DOK5: variants seen among roughly 807,000 people sequenced by gnomAD.
DOK5 encodes the protein downstream of tyrosine kinase 5.
Under a neutral mutation model 43.3 loss-of-function variants are expected in DOK5, and 27 were observed. That is an observed-to-expected ratio of 0.62 (90% CI 0.46 to 0.86). DOK5 has a LOEUF of 0.86. Among genes scored for constraint, DOK5 ranks in the 40% least tolerant of loss-of-function variants. The probability of loss-of-function intolerance (pLI) is 0.00; values close to 1 mark genes in which losing one functional copy is unlikely to be tolerated. For missense variants in DOK5, 373 were observed against 392.9 expected (o/e 0.95, Z 0.43); for synonymous variants, 146 against 140.1 (o/e 1.04, Z -0.30).
chr20:54,496,761 G>T (rs1429969257), intron 1 of DOK5, among the ~76,000 whole-genome samples: 3 of 104,288 alleles, frequency 2.9e-5, no homozygotes, highest in East Asian at 5.2e-4. Flanking sequence ...GCAAGACTCC[G>T]TCTCAAAAAA....
At chr20:54,649,357 G>A (rs1979591013) in intron 7 of DOK5, among the ~76,000 whole-genome samples, 1 of 152,166 alleles carries the variant, frequency 6.6e-6, no homozygotes. Context: ...AAGAGGTTGA[G>A]GCTGCAGTGA....
At chr20:54,573,273 A>G (rs950965414) in intron 2 of DOK5, among the ~76,000 whole-genome samples, 15 of 152,192 alleles carry the variant, frequency 9.9e-5, no homozygotes, top group African/African-American at 3.6e-4. Flanking sequence ...TCCAGGCAAA[A>G]GAAGAGCAAG....
Position 54,542,672 on chromosome 20 carries a change from C to A in DOK5, c.67-12261C>A, listed in dbSNP as rs919152593. Among the ~76,000 whole-genome samples, 11 of 152,118 alleles carry A rather than the reference C, an allele frequency of 7.2e-5. 1 individual carries two copies. The highest frequency in any genetic ancestry group is 7.2e-4 in the Admixed American group (11 of 15,284). On this transcript the variant is annotated intron_variant, in intron 1 of 7. Coordinates refer to ENST00000262593, the MANE Select transcript of DOK5 (RefSeq NM_018431.5). ...TTTATTATACGAAAAACACATACTA[C>A]AGGACATATATTTATGAAAGAAGAA...
At chr20:54,503,587 T>C (rs145479756) in intron 1 of DOK5, among the ~76,000 whole-genome samples, 1 of 151,888 alleles carries the variant, frequency 6.6e-6, no homozygotes, top group Admixed American at 6.5e-5. Context: ...TAAAATAATT[T>C]ATTTTTCTTT....
At chr20:54,609,400 A>G (rs1046721412) in intron 5 of DOK5, among the ~76,000 whole-genome samples, 1 of 152,214 alleles carries the variant, frequency 6.6e-6, no homozygotes, top group African/African-American at 2.4e-5. Context: ...GTATGTATCA[A>G]ATTCAGAGCT....
chr20:54,649,398 G>A (rs1979593585), intron 7 of DOK5, among the ~76,000 whole-genome samples: 1 of 151,732 alleles, frequency 6.6e-6, no homozygotes, highest in Non-Finnish European at 1.5e-5. Flanking sequence ...CTGCAGCCGG[G>A]GCGAAAAAAA....
At chr20:54,593,464 C>T (rs1295350355) in intron 5 of DOK5, among the ~76,000 whole-genome samples, 2 of 152,076 alleles carry the variant, frequency 1.3e-5, no homozygotes, top group African/African-American at 4.8e-5. Flanking sequence ...AAAGTTATCA[C>T]AAAAAATAAA....
chr20:54,529,213 CATAATT>C (rs555710279), intron 1 of DOK5, among the ~76,000 whole-genome samples: 60 of 152,236 alleles, frequency 3.9e-4, no homozygotes, highest in African/African-American at 1.4e-3. Context: ...GGAAGATAGA[CATAATT>C]ATAATAATAA....
intron 5 of DOK5, among the ~76,000 whole-genome samples, chr20:54,595,232 T>G (rs1158114486): frequency 4.6e-5 from 7 of 152,080 alleles, no homozygotes; most frequent in African/African-American, 1.7e-4. Flanking sequence ...TCCCAGCTAC[T>G]CGGGAGGCTG....
intron 2 of DOK5, among the ~76,000 whole-genome samples, chr20:54,563,469 T>G (rs1984981060): frequency 6.6e-6 from 1 of 152,202 alleles, no homozygotes; most frequent in African/African-American, 2.4e-5. Context: ...CAACTCTTTC[T>G]TCTTCCTTAC....
intron 1 of DOK5, among the ~76,000 whole-genome samples, chr20:54,512,463 G>A (rs1983045362): frequency 6.6e-6 from 1 of 151,896 alleles, no homozygotes; most frequent in Admixed American, 6.6e-5. Context: ...TCTCATATTG[G>A]GGGTCAACTT....
chr20:54,479,319 G>T (rs1981570494), intron 1 of DOK5, among the ~76,000 whole-genome samples: 1 of 152,126 alleles, frequency 6.6e-6, no homozygotes, highest in Non-Finnish European at 1.5e-5. Flanking sequence ...GTTTCCTGGA[G>T]GTCTCCAGCT....
intron 5 of DOK5, among the ~76,000 whole-genome samples, chr20:54,600,660 C>T (rs1007188001): frequency 3.3e-5 from 5 of 152,148 alleles, no homozygotes; most frequent in East Asian, 3.9e-4. Flanking sequence ...GCCCCTAAGC[C>T]ACCACTCACA....
chr20:54,482,503 T>A (rs1284248676), intron 1 of DOK5, among the ~76,000 whole-genome samples: 1 of 152,210 alleles, frequency 6.6e-6, no homozygotes, highest in Non-Finnish European at 1.5e-5. Flanking sequence ...ATACTCCTTT[T>A]TTTTCCTTTT....
At chr20:54,518,124 T>C (rs1983263550) in intron 1 of DOK5, among the ~76,000 whole-genome samples, 1 of 152,122 alleles carries the variant, frequency 6.6e-6, no homozygotes, top group Non-Finnish European at 1.5e-5. Context: ...CCCTATTTTC[T>C]TTTTTCTTTT....
chr20:54,601,685 A>C (rs1986302522), intron 5 of DOK5, among the ~76,000 whole-genome samples: 1 of 152,202 alleles, frequency 6.6e-6, no homozygotes, highest in South Asian at 2.1e-4. Flanking sequence ...ATGAAATGGC[A>C]GGAGGAGGGC....
intron 5 of DOK5, among the ~76,000 whole-genome samples, chr20:54,592,374 C>T (rs1986002030): frequency 6.6e-6 from 1 of 151,962 alleles, no homozygotes; most frequent in Admixed American, 6.6e-5. Flanking sequence ...TCTCTTTTTC[C>T]TCTTAGGGGT....
intron 6 of DOK5, among the ~76,000 whole-genome samples, chr20:54,613,524 T>G (rs779519428): frequency 6.6e-6 from 1 of 152,250 alleles, no homozygotes; most frequent in East Asian, 1.9e-4. Flanking sequence ...CACTTTTGAG[T>G]GGGTAGCTTT....
chr20:54,483,502 A>G (rs972396244), intron 1 of DOK5, among the ~76,000 whole-genome samples: 3 of 152,216 alleles, frequency 2.0e-5, no homozygotes, highest in African/African-American at 4.8e-5. Context: ...TGTATTCACT[A>G]TAGTTAAAGA....
Sources: gnomAD v4.1 joint callset for allele counts (sites outside exome capture counted in the v4.1 genomes callset) on GRCh38, gnomAD v4.1.1 for gene constraint, MANE v1.5 for transcripts, NCBI Gene and HGNC (gene_info 2026-07-23, HGNC 2026-07-21) for gene names.